The following ANK2 variants were observed in gnomAD, a reference collection of about 807,000 sequenced individuals.
ANK2 encodes the protein ankyrin-2.
ANK2 carries 83 observed loss-of-function variants against 360.5 expected under a neutral mutation model. That is an observed-to-expected ratio of 0.23 (90% CI 0.19 to 0.28). The LOEUF (loss-of-function observed/expected upper bound fraction) is 0.28, where lower values mean the gene tolerates loss of function less well. Among genes scored for constraint, ANK2 ranks in the 10% least tolerant of loss-of-function variants. The pLI is 1.00. For missense variants in ANK2, 4,201 were observed against 4,795.7 expected, an observed-to-expected ratio of 0.88 and a Z score of 3.66; for synonymous variants, 1,740 against 1,759.5, an observed-to-expected ratio of 0.99 and a Z score of 0.28.
the ANK2 span, among the ~76,000 whole-genome samples, chr4:112,716,407 A>G: frequency 1.6e-4 from 24 of 152,324 alleles, no homozygotes; most frequent in Admixed American, 1.5e-3. Flanking sequence ...TCATTGGTCC[A>G]TCATTAATCT....
At chr4:113,239,559 A>G (rs1000313329) in intron 7 of ANK2, among the ~76,000 whole-genome samples, 1 of 152,180 alleles carries the variant, frequency 6.6e-6, no homozygotes, top group Non-Finnish European at 1.5e-5. Flanking sequence ...AGAGTAAGAA[A>G]AATTATTAGA....
chr4:112,924,704 C>T (rs1048275616), intron 2 of ANK2, among the ~76,000 whole-genome samples: 58 of 151,834 alleles, frequency 3.8e-4, no homozygotes, highest in African/African-American at 1.3e-3. Context: ...CTAACATGCT[C>T]TCAACTATGT....
At chr4:113,351,540 T>C (rs1040597308) in intron 37 of ANK2, among the ~76,000 whole-genome samples, 3 of 152,170 alleles carry the variant, frequency 2.0e-5, no homozygotes, top group African/African-American at 7.2e-5. Context: ...GAGAAGGCAC[T>C]TTTGTTTATA....
rs764667756 is a variant in ANK2 at position 113,292,451 on chromosome 4, G to A, written c.2313G>A (p.Gln771=). 15 of 1,611,578 alleles carry A rather than the reference G, an allele frequency of 9.3e-6. No homozygotes were observed. The South Asian group carries it at 1.7e-4, about 18-fold the overall frequency. ...CGCCTTTGCACCAGGCCGCTCAGCA[G>A]GGTCACACGCACATCATCAACGTCC... The part of the protein sequence containing the change: ...GYTPLHQAAQ[Q]GHTHIINVLL... Residue 771 remains glutamine, a synonymous_variant, in exon 21 of 46, where the codon CAG becomes CAA. Transcript: ENST00000357077.
chr4:112,890,292 A>G (rs1336600911), intron 1 of ANK2, among the ~76,000 whole-genome samples: 4 of 152,178 alleles, frequency 2.6e-5, no homozygotes, highest in African/African-American at 7.2e-5. Flanking sequence ...TGTTCCCTCA[A>G]GATGAGCCTT....
the ANK2 span, among the ~76,000 whole-genome samples, chr4:112,796,463 T>TACACAC: frequency 8.6e-4 from 61 of 70,968 alleles, no homozygotes; most frequent in East Asian, 0.012. Flanking sequence ...TATCTATATA[T>TACACAC]ATACACACAC....
chr4:112,911,834 A>C (rs2087568371), intron 2 of ANK2, among the ~76,000 whole-genome samples: 1 of 152,234 alleles, frequency 6.6e-6, no homozygotes, highest in South Asian at 2.1e-4. Context: ...CTAAAAATAC[A>C]TCTGTTTAAT....
intron 36 of ANK2, among the ~76,000 whole-genome samples, chr4:113,348,655 T>TAGTACATTAA (rs2095154018): frequency 6.6e-6 from 1 of 152,120 alleles, no homozygotes; most frequent in East Asian, 1.9e-4. Context: ...AATTTTTAAT[T>TAGTACATTAA]AAATGTCTTA....
chr4:113,161,303 G>T (rs77137327), intron 1 of ANK2, among the ~76,000 whole-genome samples: 1,776 of 152,208 alleles, frequency 0.012, 28 homozygotes, highest in African/African-American at 0.041. Context: ...TCCAACAGAA[G>T]AATTTTGCAA....
chr4:112,818,996 T>G (rs1005554043), intron 1 of ANK2, among the ~76,000 whole-genome samples: 11 of 152,186 alleles, frequency 7.2e-5, no homozygotes, highest in African/African-American at 2.2e-4. Flanking sequence ...TTTGTTTGTT[T>G]GTTCTTTGGC....
intron 4 of ANK2, among the ~76,000 whole-genome samples, chr4:113,217,527 A>C (rs1301222931): frequency 6.6e-6 from 1 of 152,184 alleles, no homozygotes; most frequent in East Asian, 1.9e-4. Flanking sequence ...ATCCATGAGC[A>C]GCGGATGGTT....
At chr4:112,810,122 TG>T in the ANK2 span, among the ~76,000 whole-genome samples, 17 of 36,634 alleles carry the variant, frequency 4.6e-4, no homozygotes, top group South Asian at 0.011. Context: ...TTTAATTTTT[TG>T]TGTATATATA....
rs1060501155 is a variant in ANK2, at chr4:113,357,161, C to T, written c.8543C>T (p.Ser2848Phe). Reference protein sequence around the residue: ...DCPSESFSSSSSLPHCLVSEG... With the variant: ...DCPSESFSSSFSLPHCLVSEG... The stretch of plus-strand genomic sequence containing the variant: ...CCCAGTGAAAGCTTTTCATCTTCAT[C>T]CTCTTTGCCTCATTGTTTGGTATCT... The change falls in exon 38 of 46, where the codon TCC becomes TTC. Residue 2848 changes from serine (S) to phenylalanine (F), a missense_variant. Ser to Phe is a radical substitution (Grantham distance 155). Coordinates refer to ENST00000357077, the MANE Select transcript of ANK2 (RefSeq NM_001148.6). 6 of 1,614,116 alleles carry T rather than the reference C, an allele frequency of 3.7e-6. No individual in the cohort carries two copies. The Admixed American group carries it at 1.0e-4, about 27-fold the overall frequency.
intron 1 of ANK2, among the ~76,000 whole-genome samples, chr4:113,063,879 A>G (rs763813321): frequency 6.6e-6 from 1 of 152,184 alleles, no homozygotes; most frequent in Non-Finnish European, 1.5e-5. Context: ...TGCAATAAAA[A>G]AAACCACCTT....
intron 4 of ANK2, among the ~76,000 whole-genome samples, chr4:113,199,804 CT>C (rs1160920103): frequency 6.6e-6 from 1 of 152,040 alleles, no homozygotes; most frequent in East Asian, 1.9e-4. Context: ...TCTCCTTTGC[CT>C]TTCTGATAAC....
At chr4:113,220,645 C>T (rs1255432138) in intron 4 of ANK2, among the ~76,000 whole-genome samples, 1 of 151,948 alleles carries the variant, frequency 6.6e-6, no homozygotes, top group Non-Finnish European at 1.5e-5. Context: ...GGTCTTTGTT[C>T]ATTTTTGCAA....
At chr4:113,226,122 G>A (rs752050245) in intron 4 of ANK2, among the ~76,000 whole-genome samples, 4 of 152,020 alleles carry the variant, frequency 2.6e-5, no homozygotes, top group Non-Finnish European at 5.9e-5. Flanking sequence ...TCACTTCTTG[G>A]GATTTAACAA....
upstream of ANK2, among the ~76,000 whole-genome samples, chr4:112,815,444 T>C (rs2055562816): frequency 6.6e-6 from 1 of 152,172 alleles, no homozygotes; most frequent in South Asian, 2.1e-4. Flanking sequence ...GACGCAGAGC[T>C]CATAAAACCT....
rs778612121 is a variant in ANK2, at chr4:113,255,942, G to A, written c.1188+10G>A. On this transcript the variant is annotated intron_variant, in intron 11 of 45. Coordinates refer to ENST00000357077, the MANE Select transcript of ANK2 (RefSeq NM_001148.6). ...GAACGCCAGAGCCCTGGTAAACTTG[G>A]CCCAGTCCACATTAACTGAATACAG... 35 of 1,613,302 alleles carry A rather than the reference G, an allele frequency of 2.2e-5. No individual in the cohort carries two copies.
Sources: allele counts gnomAD v4.1 joint callset (sites outside exome capture counted in the v4.1 genomes callset), GRCh38; gene constraint gnomAD v4.1.1; transcripts MANE v1.5; gene names NCBI Gene and HGNC (gene_info 2026-07-23, HGNC 2026-07-21).